LYPD6B: variants seen among roughly 807,000 people sequenced by gnomAD.
The protein encoded by LYPD6B is LY6/PLAUR domain containing 6B, also known as ly6/PLAUR domain-containing protein 6B.
Under a neutral mutation model 22.8 loss-of-function variants are expected in LYPD6B, and 17 were observed. The ratio of observed to expected loss-of-function variants is 0.75; its 90% CI spans 0.51 to 1.12. The LOEUF is 1.12. Ranked by LOEUF, LYPD6B falls within the 50% of genes most tolerant of loss-of-function variation. The pLI is 0.00. For missense variants in LYPD6B, 221 were observed against 258.3 expected (o/e 0.86, Z 0.99); for synonymous variants, 106 against 91.6 (o/e 1.16, Z -0.90).
intron 1 of LYPD6B, among the ~76,000 whole-genome samples, chr2:149,097,640 C>T (rs938872962): frequency 2.0e-5 from 3 of 152,112 alleles, no homozygotes; most frequent in Non-Finnish European, 4.4e-5. Context: ...GTCTAGGATC[C>T]TTGTACTCTC....
chr2:149,111,147 A>G (rs997556029), intron 1 of LYPD6B, among the ~76,000 whole-genome samples: 1 of 152,130 alleles, frequency 6.6e-6, no homozygotes, highest in Non-Finnish European at 1.5e-5. Context: ...GTGAGGTCAG[A>G]GGGACCCCCA....
intron 3 of LYPD6B, among the ~76,000 whole-genome samples, chr2:149,171,161 T>C (rs1690789158): frequency 6.6e-6 from 1 of 152,070 alleles, no homozygotes. Flanking sequence ...CAATAATGTG[T>C]GCCCGGGAGC....
rs577450980 is a variant in LYPD6B, at chr2:149,186,732, G to T, written c.78-18521G>T. 4.6e-5 allele frequency among the ~76,000 whole-genome samples: 7 copies of T among 152,322 alleles called. No homozygotes were observed. The South Asian group carries it at 1.5e-3, about 32-fold the overall frequency. On this transcript the variant is annotated intron_variant, in intron 3 of 6. Coordinates refer to ENST00000409642, the MANE Select transcript of LYPD6B (RefSeq NM_177964.5). ...TAAGCCTCTTGCCTCAGCCTCCTGA[G>T]TAGCTAGGATTTAGAATATTTCAGA...
chr2:149,088,095 T>C (rs1188701663), intron 1 of LYPD6B, among the ~76,000 whole-genome samples: 3 of 144,528 alleles, frequency 2.1e-5, no homozygotes, highest in Non-Finnish European at 3.0e-5. Context: ...CTCCTGTTGC[T>C]CCCCCCACCC....
At chr2:149,130,552 C>T (rs1484521201) in intron 1 of LYPD6B, among the ~76,000 whole-genome samples, 1 of 152,166 alleles carries the variant, frequency 6.6e-6, no homozygotes, top group Non-Finnish European at 1.5e-5. Flanking sequence ...TAGGCCTTGT[C>T]CCACTAACTT....
At chr2:149,119,532 C>G (rs543111290) in intron 1 of LYPD6B, among the ~76,000 whole-genome samples, 1 of 152,202 alleles carries the variant, frequency 6.6e-6, no homozygotes, top group Non-Finnish European at 1.5e-5. Context: ...AACACATTAA[C>G]GATGAACTCA....
rs900950443 is a variant in LYPD6B at position 149,078,942 on chromosome 2, G to A, written c.-67+40141G>A. ...GGATCACTTGAGCCCAGGGGTTTGA[G>A]GATGCAGTGAGCTATGATCATGCCA... On this transcript the variant is annotated intron_variant, in intron 1 of 6. Coordinates refer to ENST00000409642, the MANE Select transcript of LYPD6B (RefSeq NM_177964.5). 4.6e-5 allele frequency among the ~76,000 whole-genome samples: 7 copies of A among 152,144 alleles called. No homozygotes were observed. The South Asian group carries it at 1.0e-3, about 23-fold the overall frequency.
At chr2:149,149,656 T>C (rs1406900555) in intron 2 of LYPD6B, among the ~76,000 whole-genome samples, 1 of 152,210 alleles carries the variant, frequency 6.6e-6, no homozygotes, top group Non-Finnish European at 1.5e-5. Flanking sequence ...GTGTGTTCCT[T>C]GATTAAATTC....
chr2:149,042,664 T>C lies in LYPD6B; in HGVS notation c.-67+3863T>C, dbSNP rs952355500. ...CTGGGGATTGGAGCTTACAGTCTAC[T>C]AGATGGAGACATTTATTTATGTTTT... On this transcript the variant is annotated intron_variant, in intron 1 of 6. Transcript: ENST00000409642. Among the ~76,000 whole-genome samples, 30 of 152,144 alleles carry C rather than the reference T, an allele frequency of 2.0e-4. 1 individual carries two copies. The highest frequency in any genetic ancestry group is 5.9e-4 in the Admixed American group (9 of 15,272).
At chr2:149,151,980 T>C (rs899484463) in intron 2 of LYPD6B, among the ~76,000 whole-genome samples, 1 of 152,234 alleles carries the variant, frequency 6.6e-6, no homozygotes, top group African/African-American at 2.4e-5. Context: ...CTTTTGGTTC[T>C]GTATTTAACT....
intron 1 of LYPD6B, among the ~76,000 whole-genome samples, chr2:149,107,009 A>G (rs1351876484): frequency 6.6e-6 from 1 of 152,166 alleles, no homozygotes; most frequent in Non-Finnish European, 1.5e-5. Context: ...TATGTTTTTC[A>G]TTATACATAC....
chr2:149,113,244 T>C (rs1686846545), intron 1 of LYPD6B, among the ~76,000 whole-genome samples: 2 of 152,076 alleles, frequency 1.3e-5, no homozygotes, highest in Non-Finnish European at 2.9e-5. Context: ...ATTTATAGAG[T>C]TCCCTTTCAC....
intron 1 of LYPD6B, among the ~76,000 whole-genome samples, chr2:149,095,917 CACAG>C (rs909672140): frequency 2.6e-5 from 4 of 151,174 alleles, no homozygotes; most frequent in African/African-American, 4.9e-5. Flanking sequence ...AAGATGCACA[CACAG>C]ACAGAGAGAG....
intron 3 of LYPD6B, among the ~76,000 whole-genome samples, chr2:149,180,164 G>A (rs1003997457): frequency 2.0e-5 from 3 of 152,176 alleles, no homozygotes; most frequent in Non-Finnish European, 2.9e-5. Flanking sequence ...TTAAGGTGAC[G>A]GTATGCCTTA....
rs893256562 is a variant in LYPD6B at position 149,205,250 on chromosome 2, T to C, written c.78-3T>C. 6 of 1,601,318 alleles carry C rather than the reference T, an allele frequency of 3.7e-6. No homozygotes were observed. The highest frequency in any genetic ancestry group is 4.3e-6 in the Non-Finnish European group (5 of 1,176,424). On this transcript the variant is annotated splice_region_variant and splice_polypyrimidine_tract_variant and intron_variant, in intron 3 of 6. Coordinates refer to ENST00000409642, the MANE Select transcript of LYPD6B (RefSeq NM_177964.5). ...ACTGAACCAGTGTGTCTTTTCACCA[T>C]AGATATAAGAGTTCGGACCGCCCAG...
chr2:149,059,056 G>A (rs911240698), intron 1 of LYPD6B, among the ~76,000 whole-genome samples: 1 of 152,224 alleles, frequency 6.6e-6, no homozygotes, highest in African/African-American at 2.4e-5. Context: ...CTCTCTGTAG[G>A]TATTGCCAGG....
At chr2:149,188,746 A>G (rs1193379212) in intron 3 of LYPD6B, 5 of 891,580 alleles carry the variant, frequency 5.6e-6, no homozygotes, top group Non-Finnish European at 6.7e-6. Context: ...TTTTAAACAT[A>G]CTTACCTCTA....
chr2:149,113,064 G>A (rs1473396381), intron 1 of LYPD6B, among the ~76,000 whole-genome samples: 1 of 152,152 alleles, frequency 6.6e-6, no homozygotes, highest in East Asian at 1.9e-4. Flanking sequence ...GCAAAATCAG[G>A]TGGAGAAAAT....
chr2:149,114,013 A>G (rs1228108735), intron 1 of LYPD6B, among the ~76,000 whole-genome samples: 3 of 152,216 alleles, frequency 2.0e-5, no homozygotes, highest in Non-Finnish European at 2.9e-5. Context: ...GACATTGGAC[A>G]TTCCATTCCT....
Sources: gnomAD v4.1 joint callset for allele counts (sites outside exome capture counted in the v4.1 genomes callset) on GRCh38, gnomAD v4.1.1 for gene constraint, MANE v1.5 for transcripts, NCBI Gene and HGNC (gene_info 2026-07-23, HGNC 2026-07-21) for gene names.